C16orf89: variants seen among roughly 807,000 people sequenced by gnomAD.
The protein encoded by C16orf89 is UPF0764 protein C16orf89.
A neutral mutation model predicts 41.5 loss-of-function variants in C16orf89; 57 were observed. The observed-to-expected ratio is 1.38, with a 90% CI of 1.11 to 1.71. The LOEUF (loss-of-function observed/expected upper bound fraction) is 1.71, where lower values mean the gene tolerates loss of function less well. Among genes scored for constraint, C16orf89 ranks in the 40% most tolerant of loss-of-function variants. The pLI is 0.00. For missense variants in C16orf89, 575 were observed against 445.9 expected (o/e 1.29, Z -2.61); for synonymous variants, 223 against 190.6 (o/e 1.17, Z -1.40).
chr16:5,055,504 G>A, intron 5 of C16orf89, 154 bp from the exon 6 acceptor site: 1 of 948,302 alleles, frequency 1.1e-6, no homozygotes, highest in Non-Finnish European at 1.6e-6. Context: ...GGCAGCTTGA[G>A]CCTTTGCCTG....
chr16:5,062,774 G>T (rs911847788), intron 1 of C16orf89, among the ~76,000 whole-genome samples, 200 bp from the exon 2 acceptor site: 3 of 152,178 alleles, frequency 2.0e-5, no homozygotes, highest in Non-Finnish European at 4.4e-5. Context: ...GAGAATGGGT[G>T]TCAGAGTAGT....
chr16:5,050,377 AAAG>A (rs1956375142), intron 6 of C16orf89, among the ~76,000 whole-genome samples: 1 of 152,106 alleles, frequency 6.6e-6, no homozygotes, highest in African/African-American at 2.4e-5. Flanking sequence ...CCAAAAAAAA[AAAG>A]AAAACCTAGT....
In C16orf89 at chr16:5,056,132, G is replaced by C. The variant is rs375098791; in HGVS notation, c.684C>G (p.Cys228Trp). ...QQSQDYINLF[C>W]ANMMDLNRRA... ...TGCGGTTCAAGTCCATCATGTTGGC[G>C]CAGAAGAGGTTGATATAGTCCTGGC... Residue 228 changes from cysteine to tryptophan, a missense_variant, in exon 5 of 8, where the codon TGC becomes TGG. Coordinates refer to ENST00000472572, the MANE Select transcript of C16orf89 (RefSeq NM_001098514.3). The C allele has an allele frequency of 6.3e-7, 1 of 1,599,402 alleles. No individual in the cohort carries two copies. Among genetic ancestry groups the C allele is most frequent in the Non-Finnish European group, 8.6e-7 (1 of 1,167,538 alleles).
At chr16:5,065,238 C>G (rs1956713642) in intron 1 of C16orf89, among the ~76,000 whole-genome samples, 1 of 152,324 alleles carries the variant, frequency 6.6e-6, no homozygotes, top group Non-Finnish European at 1.5e-5. Flanking sequence ...TAAACAAACA[C>G]TTGACTGTTT....
intron 7 of C16orf89, among the ~76,000 whole-genome samples, chr16:5,046,352 T>A (rs1231484679): frequency 6.6e-6 from 1 of 151,928 alleles, no homozygotes; most frequent in Non-Finnish European, 1.5e-5. Flanking sequence ...TTTATTTTAT[T>A]TTATTATAAT....
At chr16:5,057,359 A>T (rs1956531840) in intron 4 of C16orf89, among the ~76,000 whole-genome samples, 1 of 145,052 alleles carries the variant, frequency 6.9e-6, no homozygotes, top group Non-Finnish European at 1.5e-5. Flanking sequence ...TATAGTGATT[A>T]TATATATCGT....
intron 4 of C16orf89, among the ~76,000 whole-genome samples, chr16:5,057,360 T>C (rs1336006006): frequency 6.9e-6 from 1 of 145,118 alleles, no homozygotes; most frequent in African/African-American, 2.5e-5. Context: ...ATAGTGATTA[T>C]ATATATCGTG....
chr16:5,047,671 T>C (rs1296200014), intron 7 of C16orf89, among the ~76,000 whole-genome samples: 1 of 152,134 alleles, frequency 6.6e-6, no homozygotes, highest in African/African-American at 2.4e-5. Flanking sequence ...TTTTGTTATG[T>C]TGCCCAGGCT....
chr16:5,047,475 T>C (rs971249204), intron 7 of C16orf89, among the ~76,000 whole-genome samples: 14 of 151,540 alleles, frequency 9.2e-5, no homozygotes, highest in African/African-American at 2.9e-4. Flanking sequence ...TTCTTTCTTT[T>C]TTTTTTTTTT....
intron 4 of C16orf89, among the ~76,000 whole-genome samples, chr16:5,057,357 TTATA>T (rs948294744): frequency 6.9e-6 from 1 of 145,846 alleles, no homozygotes; most frequent in Non-Finnish European, 1.5e-5. Context: ...TATATAGTGA[TTATA>T]TATATCGTGA....
intron 4 of C16orf89, 145 bp downstream of exon 4, chr16:5,058,348 G>A (rs2055934387): frequency 3.2e-6 from 2 of 631,986 alleles, no homozygotes; most frequent in African/African-American, 1.9e-5. Flanking sequence ...GGCCCAGCTG[G>A]TTTTGAACTC....
Position 5,044,481 on chromosome 16 carries a change from A to T in C16orf89, c.956-3T>A. The T allele has an allele frequency of 6.2e-7, 1 of 1,612,344 alleles. No individual in the cohort carries two copies. Among genetic ancestry groups the T allele is most frequent in the Non-Finnish European group, 8.5e-7 (1 of 1,179,362 alleles). ...TGTGTTGTGGGAGGAGCAGCCATCT[A>T]GGGGAGAGAGCCCCCATGAGTGCTG... On this transcript the variant is annotated splice_polypyrimidine_tract_variant and splice_region_variant and intron_variant, in intron 7 of 7. Transcript: ENST00000472572.
Position 5,044,309 on chromosome 16 carries a change from C to A in C16orf89, c.*39G>T. 6.4e-7 allele frequency: 1 copy of A among 1,561,312 alleles called. No homozygotes were observed. The highest frequency in any genetic ancestry group is 1.2e-5 in the South Asian group (1 of 82,222). On this transcript the variant is annotated 3_prime_UTR_variant, in exon 8 of 8. Transcript: ENST00000472572. The stretch of plus-strand genomic sequence containing the variant: ...TCTAAGGGATGAGGACTAAAGGGGT[C>A]TGTTCCTCCTCCAGGCAGCTGGCAT...
chr16:5,049,829 T>C (rs1002564239), intron 6 of C16orf89, among the ~76,000 whole-genome samples: 25 of 151,520 alleles, frequency 1.6e-4, no homozygotes, highest in African/African-American at 5.8e-4. Context: ...CCCAAATTAG[T>C]AGAAGGAAAG....
chr16:5,055,653 T>C lies in C16orf89; in HGVS notation c.764-303A>G. On this transcript the variant is annotated intron_variant, in intron 5 of 7. Coordinates refer to ENST00000472572, the MANE Select transcript of C16orf89 (RefSeq NM_001098514.3). ...TCCCAAGCGCTCCCTGTCTGCCTCA[T>C]CCATAAGGCTTTGTGGGTCTGTCTG... 2.6e-6 allele frequency: 4 copies of C among 1,517,776 alleles called. No homozygotes were observed. The South Asian group carries it at 4.8e-5, about 18-fold the overall frequency. 94.0% of individuals were successfully genotyped at this position (1,517,776 alleles called of 1,614,324 possible). A position where few individuals can be genotyped will look rare whatever the true frequency, so the allele number is the denominator to read the frequency against.
At chr16:5,047,455 C>A (rs1372782854) in intron 7 of C16orf89, among the ~76,000 whole-genome samples, 2 of 150,304 alleles carry the variant, frequency 1.3e-5, no homozygotes, top group African/African-American at 2.4e-5. Flanking sequence ...TCTTGGACTC[C>A]CCACTTTCTT....
At position 5,063,967 on chromosome 16, in the gene C16orf89, A is replaced by G. The variant is rs972679491; in HGVS notation, c.209-1393T>C. On this transcript the variant is annotated intron_variant, in intron 1 of 7. Transcript: ENST00000472572. ...CATGGTAAAACCTCATCTCTACCAA[A>G]AATACAAAAATTAGCCGGGCGTGGT... is the stretch of plus-strand genomic sequence containing the variant. 5.9e-5 allele frequency among the ~76,000 whole-genome samples: 9 copies of G among 152,138 alleles called. No individual in the cohort carries two copies. In the East Asian group the frequency reaches 1.7e-3, roughly 29 times the overall value.
chr16:5,046,330 T>TTTTTATTTTA (rs529008028), intron 7 of C16orf89, among the ~76,000 whole-genome samples: 38 of 151,824 alleles, frequency 2.5e-4, no homozygotes, highest in African/African-American at 8.7e-4. Flanking sequence ...ACTTATTTAT[T>TTTTTATTTTA]TTTTATTTTA....
At chr16:5,055,056 C>G (rs1470402901) in intron 6 of C16orf89, among the ~76,000 whole-genome samples, 190 bp downstream of exon 6, 1 of 152,204 alleles carries the variant, frequency 6.6e-6, no homozygotes, top group East Asian at 1.9e-4. Flanking sequence ...CCTGTCTTGC[C>G]ACATTTTGGC....
Sources: allele counts gnomAD v4.1 joint callset (sites outside exome capture counted in the v4.1 genomes callset), GRCh38; gene constraint gnomAD v4.1.1; transcripts MANE v1.5; gene names NCBI Gene and HGNC (gene_info 2026-07-23, HGNC 2026-07-21).